The following TYW1B variants were observed in gnomAD, a reference collection of about 807,000 sequenced individuals.
The protein encoded by TYW1B is S-adenosyl-L-methionine-dependent tRNA 4-demethylwyosine synthase TYW1B.
TYW1B carries 73 observed loss-of-function variants against 86.9 expected under a neutral mutation model. That is an observed-to-expected ratio of 0.84 (90% CI 0.70 to 1.02). TYW1B has a LOEUF of 1.02. Among genes scored for constraint, TYW1B ranks in the 50% least tolerant of loss-of-function variants. TYW1B has a pLI of 0.00. For synonymous variants in TYW1B, 248 were observed against 292.8 expected, an observed-to-expected ratio of 0.85 and a Z score of 1.56; for missense variants, 637 against 827.4, an observed-to-expected ratio of 0.77 and a Z score of 2.82.
intron 11 of TYW1B, 63 bp downstream of exon 11, chr7:72,694,624 C>T: frequency 7.2e-7 from 1 of 1,389,838 alleles, no homozygotes; most frequent in Non-Finnish European, 9.4e-7. Flanking sequence ...ATCTTTCTTT[C>T]TTCTTAACTT....
intron 6 of TYW1B, among the ~76,000 whole-genome samples, chr7:72,783,074 G>A (rs35080219): frequency 0.056 from 8,544 of 152,136 alleles, 558 homozygotes; most frequent in East Asian, 0.33. Flanking sequence ...ATTTCTTTCA[G>A]TAACTAATTC....
At chr7:72,774,533 T>C (rs1554470220) in intron 7 of TYW1B, among the ~76,000 whole-genome samples, 1 of 151,878 alleles carries the variant, frequency 6.6e-6, no homozygotes, top group East Asian at 1.9e-4. Flanking sequence ...CCATCCTGGC[T>C]AACACGGTAA....
chr7:72,620,139 G>A (rs1812178428), intron 12 of TYW1B, among the ~76,000 whole-genome samples: 1 of 152,190 alleles, frequency 6.6e-6, no homozygotes, highest in African/African-American at 2.4e-5. Context: ...ACTCATGCCT[G>A]TAATCCCAGC....
chr7:72,707,659 C>T (rs1372917350), intron 10 of TYW1B, among the ~76,000 whole-genome samples: 2 of 152,190 alleles, frequency 1.3e-5, no homozygotes, highest in Admixed American at 6.5e-5. Context: ...AAGGTGTTTG[C>T]TTCTACACAG....
intron 11 of TYW1B, among the ~76,000 whole-genome samples, chr7:72,632,299 ACGTGTATATATATTATATATAT>A (rs1812516500): frequency 4.6e-5 from 3 of 65,116 alleles, no homozygotes; most frequent in Admixed American, 3.6e-4. Context: ...ATATATATAT[ACGTGTATATATATTATATATAT>A]TATATATATA....
Position 72,574,693 on chromosome 7 carries a change from C to A in TYW1B, c.*805G>T. On this transcript the variant is annotated 3_prime_UTR_variant, in exon 14 of 14. Coordinates refer to ENST00000620995, the MANE Select transcript of TYW1B (RefSeq NM_001145440.3). ...GGAGTCAAAGAAGATGGAGACCCGC[C>A]GTCTGGTCGTGATATGAGAGGCCCG... 1 of 985,340 alleles carries A rather than the reference C, an allele frequency of 1.0e-6. No individual in the cohort carries two copies. The highest frequency in any genetic ancestry group is 1.2e-6 in the Non-Finnish European group (1 of 829,936). The allele number at this position is 985,340 out of a possible 1,614,324, so 61.0% of individuals were successfully genotyped here.
intron 6 of TYW1B, among the ~76,000 whole-genome samples, chr7:72,799,456 T>C (rs67101482): frequency 0.77 from 116,038 of 150,990 alleles, 44,892 homozygotes; most frequent in Non-Finnish European, 0.8. Context: ...AGTCACCACA[T>C]CCAGTCAGGT....
rs782691551 is a variant in TYW1B, at chr7:72,810,580, C to T, written c.323G>A (p.Trp108Ter). 3.7e-6 allele frequency: 6 copies of T among 1,613,916 alleles called. No individual in the cohort carries two copies. The highest frequency in any genetic ancestry group is 5.1e-6 in the Non-Finnish European group (6 of 1,179,856). ...PTESAEWFCK[W>*]LEEASIDFRF... ...AAAATCAATGGATGCTTCCTCTAAC[C>T]ATTTGCAGAACCACTCTGCACTTTC... is the stretch of plus-strand genomic sequence containing the variant. Residue 108 changes from tryptophan (W) to a stop codon, truncating the protein, a stop_gained, in exon 4 of 14, where the codon TGG becomes TAG. Coordinates refer to ENST00000620995, the MANE Select transcript of TYW1B (RefSeq NM_001145440.3). LOFTEE classifies it high-confidence loss of function.
chr7:72,601,832 C>T (rs1165279477), intron 13 of TYW1B, among the ~76,000 whole-genome samples: 1 of 150,390 alleles, frequency 6.6e-6, no homozygotes, highest in Non-Finnish European at 1.5e-5. Flanking sequence ...CATTATATGA[C>T]CTTTGGAAAA....
rs374371439 is a variant in TYW1B, at chr7:72,759,773, T to C, written c.965-15172A>G. 6.6e-5 allele frequency among the ~76,000 whole-genome samples: 10 copies of C among 152,360 alleles called. No individual in the cohort carries two copies. The East Asian group carries it at 1.5e-3, about 23-fold the overall frequency. ...GTCTTTTAAAGGGCTTTCAAATTAA[T>C]GCCTTTACGAATTACAACAGCTCCA... On this transcript the variant is annotated intron_variant, in intron 7 of 13. Transcript: ENST00000620995.
chr7:72,727,839 A>C (rs552711512), intron 9 of TYW1B, among the ~76,000 whole-genome samples: 6 of 150,428 alleles, frequency 4.0e-5, no homozygotes, highest in South Asian at 4.2e-4. Flanking sequence ...AAAAAGAAGA[A>C]AGACAAAAAA....
intron 11 of TYW1B, among the ~76,000 whole-genome samples, chr7:72,694,346 C>T (rs1814255122): frequency 1.3e-5 from 2 of 152,168 alleles, no homozygotes; most frequent in African/African-American, 4.8e-5. Flanking sequence ...CCATAGATTC[C>T]GGGTTGGGTA....
chr7:72,795,124 A>G (rs1788283824), intron 6 of TYW1B, among the ~76,000 whole-genome samples: 1 of 151,730 alleles, frequency 6.6e-6, no homozygotes, highest in Non-Finnish European at 1.5e-5. Flanking sequence ...CCGGCCTCCT[A>G]CTTCTGTTTA....
intron 10 of TYW1B, among the ~76,000 whole-genome samples, chr7:72,709,963 C>T (rs184633283): frequency 4.6e-5 from 7 of 152,282 alleles, no homozygotes; most frequent in East Asian, 1.9e-4. Context: ...AACATCTTGT[C>T]GTATTCCACG....
intron 11 of TYW1B, among the ~76,000 whole-genome samples, chr7:72,692,449 G>C (rs1353905676): frequency 6.6e-6 from 1 of 152,042 alleles, no homozygotes; most frequent in Admixed American, 6.6e-5. Context: ...AGGAGTTGGA[G>C]GCTCCAGTGA....
chr7:72,716,009 C>T (rs1786775190), intron 9 of TYW1B, among the ~76,000 whole-genome samples: 1 of 152,216 alleles, frequency 6.6e-6, no homozygotes, highest in African/African-American at 2.4e-5. Flanking sequence ...CAGCTCACTG[C>T]AAGCTCCACC....
intron 11 of TYW1B, among the ~76,000 whole-genome samples, chr7:72,634,511 G>A (rs1554440476): frequency 6.7e-6 from 1 of 150,020 alleles, no homozygotes; most frequent in Non-Finnish European, 1.5e-5. Context: ...TGATGCACAA[G>A]AACACACATT....
At chr7:72,822,896 G>T (rs560509389) in intron 2 of TYW1B, 1 of 152,302 alleles carries the variant, frequency 6.6e-6, no homozygotes, top group Non-Finnish European at 1.5e-5. Flanking sequence ...CAGGAGGGTG[G>T]GTCAGGAGAA....
chr7:72,796,446 G>C (rs1788306523), intron 6 of TYW1B, among the ~76,000 whole-genome samples: 1 of 143,378 alleles, frequency 7.0e-6, no homozygotes, highest in Non-Finnish European at 1.5e-5. Flanking sequence ...ATGTTGGCCA[G>C]GTTGGTCTTG....
Sources: gnomAD v4.1 joint callset for allele counts (sites outside exome capture counted in the v4.1 genomes callset) on GRCh38, gnomAD v4.1.1 for gene constraint, MANE v1.5 for transcripts, NCBI Gene and HGNC (gene_info 2026-07-23, HGNC 2026-07-21) for gene names.